Variants in LARGE1 observed in about 807,000 individuals in gnomAD.
LARGE1 encodes the protein xylosyl- and glucuronyltransferase LARGE1.
LARGE1 carries 43 observed loss-of-function variants against 87.6 expected under a neutral mutation model. That is an observed-to-expected ratio of 0.49 (90% CI 0.38 to 0.63). The LOEUF is 0.63. Among genes scored for constraint, LARGE1 ranks in the 30% least tolerant of loss-of-function variants. The pLI is 0.00. For missense variants in LARGE1, 802 were observed against 1,000.2 expected (o/e 0.80, Z 2.67); for synonymous variants, 434 against 394.6 (o/e 1.10, Z -1.18).
chr22:33,415,779 C>T (rs1168591575), intron 7 of LARGE1, among the ~76,000 whole-genome samples: 1 of 152,160 alleles, frequency 6.6e-6, no homozygotes, highest in African/African-American at 2.4e-5. Context: ...GAACACTTGG[C>T]TCAGGGTCAA....
intron 9 of LARGE1, among the ~76,000 whole-genome samples, chr22:33,368,682 A>G (rs1215890261): frequency 6.6e-6 from 1 of 152,146 alleles, no homozygotes; most frequent in African/African-American, 2.4e-5. Flanking sequence ...ATATATATAC[A>G]GGCATAACTT....
intron 6 of LARGE1, among the ~76,000 whole-genome samples, chr22:33,453,362 C>T (rs1380220730): frequency 6.6e-6 from 1 of 151,880 alleles, no homozygotes; most frequent in Non-Finnish European, 1.5e-5. Context: ...TTGCAGTGAG[C>T]CAAGATCGTG....
chr22:33,493,296 G>C (rs2069945692), intron 6 of LARGE1, among the ~76,000 whole-genome samples: 1 of 151,764 alleles, frequency 6.6e-6, no homozygotes, highest in Non-Finnish European at 1.5e-5. Flanking sequence ...TAGCAGCTGG[G>C]ATTACAGGCG....
At chr22:33,347,203 C>G (rs1327529824) in intron 9 of LARGE1, among the ~76,000 whole-genome samples, 1 of 152,250 alleles carries the variant, frequency 6.6e-6, no homozygotes, top group Non-Finnish European at 1.5e-5. Context: ...TTCTTCAGTG[C>G]TCTACAGGCT....
chr22:33,612,534 G>A (rs2079465164), intron 4 of LARGE1, among the ~76,000 whole-genome samples: 1 of 152,110 alleles, frequency 6.6e-6, no homozygotes, highest in Admixed American at 6.6e-5. Context: ...ATATACCAAG[G>A]GACAACTCTG....
intron 5 of LARGE1, among the ~76,000 whole-genome samples, chr22:33,603,084 T>C (rs570841020): frequency 7.6e-3 from 2 of 264 alleles, no homozygotes; most frequent in East Asian, 0.33. Context: ...AGGCTCAGAA[T>C]AGATTGGGAA....
At chr22:33,544,110 G>C (rs555315211) in intron 6 of LARGE1, among the ~76,000 whole-genome samples, 31 of 152,298 alleles carry the variant, frequency 2.0e-4, no homozygotes, top group African/African-American at 6.0e-4. Context: ...CGTATTGTTG[G>C]GGGAATTGGC....
intron 5 of LARGE1, among the ~76,000 whole-genome samples, chr22:33,584,977 C>G (rs1275393853): frequency 6.6e-6 from 1 of 152,064 alleles, no homozygotes; most frequent in Non-Finnish European, 1.5e-5. Flanking sequence ...ATTAGCCAGG[C>G]ATGGTGATGC....
intron 2 of LARGE1, among the ~76,000 whole-genome samples, chr22:33,728,666 C>T (rs978000099): frequency 6.6e-6 from 1 of 151,978 alleles, no homozygotes; most frequent in East Asian, 1.9e-4. Context: ...AGACACACTC[C>T]CAGTAGGCAA....
chr22:33,579,358 G>A (rs1164726396), intron 5 of LARGE1, among the ~76,000 whole-genome samples: 6 of 152,208 alleles, frequency 3.9e-5, no homozygotes, highest in East Asian at 1.9e-4. Flanking sequence ...CCCCAGCCAC[G>A]CGGAATTTTA....
At chr22:33,656,058 A>AGT (rs3072285) in intron 2 of LARGE1, among the ~76,000 whole-genome samples, 12,532 of 150,410 alleles carry the variant, frequency 0.083, 897 homozygotes, top group African/African-American at 0.2. Flanking sequence ...CATAAGCATG[A>AGT]GTGTGTGTGT....
At chr22:33,854,212 GAAAAAAAAAA>G (rs67771177) in intron 1 of LARGE1, among the ~76,000 whole-genome samples, 17 of 72,716 alleles carry the variant, frequency 2.3e-4, no homozygotes, top group East Asian at 5.1e-4. Context: ...CACTTAAGGG[GAAAAAAAAAA>G]AAAAAAAAAA....
chr22:33,469,089 G>GA (rs1334356116), intron 6 of LARGE1, among the ~76,000 whole-genome samples: 2 of 152,204 alleles, frequency 1.3e-5, no homozygotes, highest in African/African-American at 4.8e-5. Context: ...CTGCTGGTAG[G>GA]AATGTAAATT....
intron 11 of LARGE1, among the ~76,000 whole-genome samples, chr22:33,178,927 A>G (rs137359): frequency 0.42 from 64,334 of 152,028 alleles, 13,945 homozygotes; most frequent in Middle Eastern, 0.46. Context: ...TATTTCTTAC[A>G]GTTTTGAAAG....
intron 12 of LARGE1, among the ~76,000 whole-genome samples, chr22:33,300,029 G>C (rs1259715767): frequency 6.6e-6 from 1 of 152,216 alleles, no homozygotes; most frequent in Non-Finnish European, 1.5e-5. Context: ...CTAACATGCT[G>C]AACTTTTTTT....
intron 6 of LARGE1, among the ~76,000 whole-genome samples, chr22:33,465,501 C>T (rs1002849543): frequency 6.6e-6 from 1 of 152,126 alleles, no homozygotes; most frequent in Admixed American, 6.5e-5. Context: ...CATATACCAA[C>T]AAAAACAAAA....
At chr22:33,699,182 G>A (rs111555503) in intron 2 of LARGE1, among the ~76,000 whole-genome samples, 1,971 of 152,278 alleles carry the variant, frequency 0.013, 25 homozygotes, top group Middle Eastern at 0.024. Context: ...TTGTTTCTAA[G>A]AAAAACTATT....
In LARGE1 at chr22:33,713,386, T is replaced by G. The variant is rs2082801187; in HGVS notation, c.106+47985A>C. On this transcript the variant is annotated intron_variant, in intron 2 of 14. Transcript: ENST00000397394. ...CTTTCGCTAGGAATCCCCCCTGCTA[T>G]TCCACTAGTACATAAATGCAGAGAA... Among the ~76,000 whole-genome samples the G allele has an allele frequency of 2.6e-5, 4 of 152,172 alleles. No homozygotes were observed. In the South Asian group the frequency reaches 8.3e-4, roughly 31 times the overall value.
chr22:33,107,466 A>G, the LARGE1 span, among the ~76,000 whole-genome samples: 12 of 152,144 alleles, frequency 7.9e-5, no homozygotes, highest in Non-Finnish European at 1.8e-4. Flanking sequence ...GAGGTAGGAG[A>G]CTTGCTGGAG....
Sources: gnomAD v4.1 joint callset for allele counts (sites outside exome capture counted in the v4.1 genomes callset) on GRCh38, gnomAD v4.1.1 for gene constraint, MANE v1.5 for transcripts, NCBI Gene and HGNC (gene_info 2026-07-23, HGNC 2026-07-21) for gene names.